The following PDE4D variants were observed in gnomAD, a reference collection of about 807,000 sequenced individuals.
The protein encoded by PDE4D is phosphodiesterase 4D, also known as 3',5'-cyclic-AMP phosphodiesterase 4D.
Under a neutral mutation model 87.4 loss-of-function variants are expected in PDE4D, and 24 were observed. That is an observed-to-expected ratio of 0.27 (90% CI 0.20 to 0.39). The LOEUF (loss-of-function observed/expected upper bound fraction) is 0.39. Among genes scored for constraint, PDE4D ranks in the 10% least tolerant of loss-of-function variants. The pLI is 1.00. For missense variants in PDE4D, 714 were observed against 1,041.0 expected, an observed-to-expected ratio of 0.69 and a Z score of 4.32; for synonymous variants, 384 against 383.2, an observed-to-expected ratio of 1.00 and a Z score of -0.02.
chr5:59,147,773 T>A (rs1211796160), intron 5 of PDE4D, among the ~76,000 whole-genome samples: 1 of 152,246 alleles, frequency 6.6e-6, no homozygotes, highest in African/African-American at 2.4e-5. Context: ...TTTTTGTTGT[T>A]TTTCTTTTGC....
intron 1 of PDE4D, among the ~76,000 whole-genome samples, chr5:59,285,171 C>T (rs1285450707): frequency 7.3e-6 from 1 of 137,622 alleles, no homozygotes; most frequent in Non-Finnish European, 1.5e-5. Flanking sequence ...ATGTAACTAA[C>T]CTGCACAATG....
At chr5:59,388,962 G>C (rs1787679755) in intron 1 of PDE4D, among the ~76,000 whole-genome samples, 1 of 151,866 alleles carries the variant, frequency 6.6e-6, no homozygotes, top group African/African-American at 2.4e-5. Flanking sequence ...TCAAATTTTA[G>C]CTTTTACCCC....
chr5:60,229,948 G>GT (rs1407994779), intron 1 of PDE4D, among the ~76,000 whole-genome samples: 1 of 152,108 alleles, frequency 6.6e-6, no homozygotes, highest in East Asian at 1.9e-4. Context: ...TCTAATGGCA[G>GT]TTTAGCCTCC....
intron 1 of PDE4D, among the ~76,000 whole-genome samples, chr5:59,653,177 T>A (rs1350722942): frequency 6.6e-6 from 1 of 151,078 alleles, no homozygotes; most frequent in Non-Finnish European, 1.5e-5. Context: ...CTGAACTGAC[T>A]ATTCTTCAAA....
At chr5:59,379,737 A>G (rs1391444516) in intron 1 of PDE4D, among the ~76,000 whole-genome samples, 1 of 152,130 alleles carries the variant, frequency 6.6e-6, no homozygotes, top group African/African-American at 2.4e-5. Context: ...TTTACGGTGA[A>G]TATCTTTGAA....
At chr5:59,663,096 C>G (rs1249385079) in intron 1 of PDE4D, among the ~76,000 whole-genome samples, 1 of 152,130 alleles carries the variant, frequency 6.6e-6, no homozygotes, top group Non-Finnish European at 1.5e-5. Context: ...TTAATTATTT[C>G]TTAACCACTT....
intron 1 of PDE4D, among the ~76,000 whole-genome samples, chr5:59,854,774 C>T (rs1745180926): frequency 6.6e-6 from 1 of 152,064 alleles, no homozygotes; most frequent in African/African-American, 2.4e-5. Context: ...AAAAAAATGC[C>T]AACTCTAATG....
At chr5:59,302,613 G>C (rs1770489063) in intron 1 of PDE4D, among the ~76,000 whole-genome samples, 1 of 151,212 alleles carries the variant, frequency 6.6e-6, no homozygotes, top group African/African-American at 2.4e-5. Context: ...CCACATATCA[G>C]TGAGAACATA....
intron 1 of PDE4D, among the ~76,000 whole-genome samples, chr5:59,801,585 C>G (rs1330664539): frequency 1.3e-5 from 2 of 152,166 alleles, no homozygotes; most frequent in Non-Finnish European, 1.5e-5. Flanking sequence ...TGAAATCAAT[C>G]TGTTTTATTT....
In PDE4D at chr5:59,639,174, T is replaced by C. The variant is rs143859685; in HGVS notation, c.455+253994A>G. 3.3e-5 allele frequency among the ~76,000 whole-genome samples: 5 copies of C among 152,288 alleles called. No individual in the cohort carries two copies. In the East Asian group the frequency reaches 9.6e-4, roughly 29 times the overall value. ...ATCTATAATACCAATGTAATGACTA[T>C]TGTGTATAGTCTCGATATTACTGAT... On this transcript the variant is annotated intron_variant, in intron 1 of 14. Transcript: ENST00000340635.
intron 1 of PDE4D, among the ~76,000 whole-genome samples, chr5:59,316,338 C>T (rs965777104): frequency 6.6e-6 from 1 of 152,056 alleles, no homozygotes; most frequent in Non-Finnish European, 1.5e-5. Flanking sequence ...AAAGAAACTA[C>T]CTGGGTTCCT....
intron 6 of PDE4D, among the ~76,000 whole-genome samples, chr5:59,026,680 G>A (rs779383026): frequency 1.3e-5 from 2 of 151,804 alleles, no homozygotes; most frequent in Non-Finnish European, 2.9e-5. Context: ...GCCTGAGGTG[G>A]GAGACATAGG....
intron 2 of PDE4D, among the ~76,000 whole-genome samples, chr5:60,052,925 A>C (rs977499487): frequency 6.6e-6 from 1 of 152,332 alleles, no homozygotes; most frequent in Non-Finnish European, 1.5e-5. Context: ...ATCATGAGCA[A>C]ACTCCCATTT....
intron 2 of PDE4D, among the ~76,000 whole-genome samples, chr5:60,017,508 T>C (rs1765641088): frequency 6.6e-6 from 1 of 152,174 alleles, no homozygotes; most frequent in African/African-American, 2.4e-5. Flanking sequence ...CCATGTGTTC[T>C]CATTGTTCAG....
intron 1 of PDE4D, among the ~76,000 whole-genome samples, chr5:59,572,776 G>T (rs1028626933): frequency 1.3e-5 from 2 of 152,064 alleles, no homozygotes; most frequent in Admixed American, 1.3e-4. Flanking sequence ...CACCACGCCC[G>T]GCCGCTTTCT....
At chr5:59,793,496 C>T (rs1766061554) in intron 1 of PDE4D, among the ~76,000 whole-genome samples, 1 of 152,200 alleles carries the variant, frequency 6.6e-6, no homozygotes, top group Non-Finnish European at 1.5e-5. Context: ...ACTTCACTGG[C>T]AGTTACCAAT....
At chr5:59,685,995 A>G (rs1312041195) in intron 1 of PDE4D, among the ~76,000 whole-genome samples, 3 of 152,134 alleles carry the variant, frequency 2.0e-5, no homozygotes, top group Non-Finnish European at 4.4e-5. Flanking sequence ...GCTTAGACAC[A>G]TAGTGAAAAA....
chr5:59,398,539 G>T (rs1789946241), intron 1 of PDE4D, among the ~76,000 whole-genome samples: 1 of 120,358 alleles, frequency 8.3e-6, no homozygotes, highest in Non-Finnish European at 1.8e-5. Context: ...AACCCTACAT[G>T]CTAAAAACTC....
chr5:59,963,395 C>A (rs1759686095), intron 3 of PDE4D, among the ~76,000 whole-genome samples: 1 of 152,174 alleles, frequency 6.6e-6, no homozygotes, highest in Admixed American at 6.5e-5. Context: ...TGAATAACCA[C>A]TGTCACCTAA....
Sources: gnomAD v4.1 joint callset for allele counts (sites outside exome capture counted in the v4.1 genomes callset) on GRCh38, gnomAD v4.1.1 for gene constraint, MANE v1.5 for transcripts, NCBI Gene and HGNC (gene_info 2026-07-23, HGNC 2026-07-21) for gene names.